The following CCZ1B variants were observed in gnomAD, a reference collection of about 807,000 sequenced individuals.
CCZ1B encodes the protein vacuolar fusion protein CCZ1 homolog B.
A neutral mutation model predicts 58.8 loss-of-function variants in CCZ1B; 25 were observed. That is an observed-to-expected ratio of 0.43 (90% CI 0.31 to 0.59). The LOEUF is 0.59. CCZ1B is among the 20% of genes least tolerant of loss of function. CCZ1B has a pLI of 0.12. For synonymous variants in CCZ1B, 66 were observed against 173.2 expected (o/e 0.38, Z 4.86); for missense variants, 180 against 501.5 (o/e 0.36, Z 6.12).
intron 7 of CCZ1B, 65 bp downstream of exon 7, chr7:6,819,701 C>G (rs2115126044): frequency 3.2e-6 from 3 of 926,096 alleles, no homozygotes; most frequent in Non-Finnish European, 4.8e-6. Context: ...TGTCATCAAT[C>G]CAGTCACTGC....
chr7:6,812,197 A>C (rs1472493445), intron 9 of CCZ1B, 134 bp from the exon 10 acceptor site: 2 of 1,011,576 alleles, frequency 2.0e-6, no homozygotes, highest in Non-Finnish European at 3.0e-6. Flanking sequence ...ACACCATATC[A>C]GAATAGGCCG....
At chr7:6,813,376 A>C (rs1474238258) in intron 8 of CCZ1B, among the ~76,000 whole-genome samples, 6 of 149,346 alleles carry the variant, frequency 4.0e-5, no homozygotes, top group Non-Finnish European at 8.9e-5. Context: ...ACTTGAGCCC[A>C]GGAGTTTGAG....
rs1562431320 is a variant in CCZ1B, at chr7:6,818,646, A to AC, written c.698+1119_698+1120insG. Among the ~76,000 whole-genome samples, 7 of 141,800 alleles carry AC rather than the reference A, an allele frequency of 4.9e-5. No individual in the cohort carries two copies. In the East Asian group the frequency reaches 8.0e-4, roughly 16 times the overall value. 93.0% of individuals were successfully genotyped at this position (141,800 alleles called of 152,430 possible). A position where few individuals can be genotyped will look rare whatever the true frequency, so the allele number is the denominator to read the frequency against. On this transcript the variant is annotated intron_variant, in intron 7 of 14. Coordinates refer to ENST00000316731, the MANE Select transcript of CCZ1B (RefSeq NM_198097.5). ...AAAGAAAGAAAGACAAGAAAGAAAG[A>AC]AAGACAGAAAGAAAGACAGACAGAA...
intron 7 of CCZ1B, among the ~76,000 whole-genome samples, chr7:6,818,375 C>G (rs1308783357): frequency 6.7e-6 from 1 of 149,328 alleles, no homozygotes; most frequent in Non-Finnish European, 1.5e-5. Flanking sequence ...ATGGTAAAAC[C>G]CTGTCTGTAC....
intron 5 of CCZ1B, among the ~76,000 whole-genome samples, chr7:6,823,084 G>A (rs2066301913): frequency 6.7e-6 from 1 of 148,234 alleles, no homozygotes; most frequent in Non-Finnish European, 1.5e-5. Flanking sequence ...TTCATCAATG[G>A]GGACACATTC....
chr7:6,824,886 T>C (rs1363155830), intron 1 of CCZ1B, 149 bp from the exon 2 acceptor site: 1 of 1,066,464 alleles, frequency 9.4e-7, no homozygotes, highest in Non-Finnish European at 1.3e-6. Flanking sequence ...GGAATTGTAA[T>C]CCTAGTATTT....
chr7:6,808,392 A>AC (rs1465814143), intron 10 of CCZ1B, among the ~76,000 whole-genome samples: 9 of 65,720 alleles, frequency 1.4e-4, no homozygotes, highest in Admixed American at 2.7e-4. Context: ...ACCAAAAAAA[A>AC]AAAAAACAAA....
chr7:6,821,116 C>G (rs563672585), intron 6 of CCZ1B, among the ~76,000 whole-genome samples: 2 of 148,698 alleles, frequency 1.3e-5, no homozygotes, highest in African/African-American at 5.1e-5. Context: ...TCAAGCGATT[C>G]TCCTGCCTCA....
rs556684357 is a variant in CCZ1B, at chr7:6,822,780, C to T, written c.439-416G>A. ...GCAGTGGTGCAATCACAGTTCACTG[C>T]AGCCTCGACCTCCAAGGTGCGAGCG... On this transcript the variant is annotated intron_variant, in intron 5 of 14. Coordinates refer to ENST00000316731, the MANE Select transcript of CCZ1B (RefSeq NM_198097.5). Among the ~76,000 whole-genome samples the T allele has an allele frequency of 1.5e-3, 204 of 138,048 alleles. 4 individuals are homozygous for T. Among genetic ancestry groups the T allele is most frequent in the African/African-American group, 5.3e-3 (193 of 36,100 alleles). The allele number at this position is 138,048 out of a possible 152,430, so 90.6% of individuals were successfully genotyped here.
At chr7:6,824,848 TA>T (rs1783169668) in intron 1 of CCZ1B, 111 bp from the exon 2 acceptor site, 1 of 1,354,394 alleles carries the variant, frequency 7.4e-7, no homozygotes, top group Non-Finnish European at 9.8e-7. Flanking sequence ...AATGACAAAA[TA>T]AAACAAAAAC....
At chr7:6,818,297 G>A (rs368717180) in intron 7 of CCZ1B, among the ~76,000 whole-genome samples, 33 of 149,570 alleles carry the variant, frequency 2.2e-4, no homozygotes, top group Non-Finnish European at 3.0e-5. Flanking sequence ...ACCTGTAATC[G>A]CGGCACTTTG....
intron 10 of CCZ1B, among the ~76,000 whole-genome samples, chr7:6,810,292 C>T (rs1391140409): frequency 2.1e-5 from 3 of 146,018 alleles, no homozygotes; most frequent in Non-Finnish European, 4.5e-5. Context: ...GGATTATAGG[C>T]GTGAGCCACC....
chr7:6,808,494 C>A lies in CCZ1B; in HGVS notation c.955-2457G>T, dbSNP rs1205453708. Among the ~76,000 whole-genome samples the A allele has an allele frequency of 5.1e-4, 77 of 150,266 alleles. 3 individuals are homozygous for A. Among genetic ancestry groups the A allele is most frequent in the African/African-American group, 1.8e-3 (73 of 39,906 alleles). On this transcript the variant is annotated intron_variant, in intron 10 of 14. Coordinates refer to ENST00000316731, the MANE Select transcript of CCZ1B (RefSeq NM_198097.5). Reference sequence around the variant, plus strand: ...GGTCCTTCCATTGGTGGCTCCTGGGCCCTGCCCCACACGCCTCTTCCCCGG... The same window carrying A: ...GGTCCTTCCATTGGTGGCTCCTGGGACCTGCCCCACACGCCTCTTCCCCGG...
At chr7:6,823,475 A>C (rs2711228) in intron 4 of CCZ1B, 115 bp from the exon 5 acceptor site, 3 of 1,390,180 alleles carry the variant, frequency 2.2e-6, no homozygotes, top group Admixed American at 2.4e-5. Context: ...TATAAACTTC[A>C]TCCCACAATA....
In CCZ1B at chr7:6,821,925, C is replaced by T. The variant is rs571892720; in HGVS notation, c.522+356G>A. ...ACCAATCCCTGAGATTGTGCAACTC[C>T]AATAATTAAGTTTTCCTTATCAACT... On this transcript the variant is annotated intron_variant, in intron 6 of 14. Coordinates refer to ENST00000316731, the MANE Select transcript of CCZ1B (RefSeq NM_198097.5). Among the ~76,000 whole-genome samples, 430 of 149,768 alleles carry T rather than the reference C, an allele frequency of 2.9e-3. 22 individuals carry two copies. Among genetic ancestry groups the T allele is most frequent in the Non-Finnish European group, 4.0e-3 (274 of 67,660 alleles).
intron 8 of CCZ1B, among the ~76,000 whole-genome samples, chr7:6,813,469 T>C (rs1297092789): frequency 6.7e-6 from 1 of 149,260 alleles, no homozygotes; most frequent in East Asian, 1.9e-4. Flanking sequence ...TCTCAGCTAC[T>C]TGGGAGGCTG....
chr7:6,822,385 A>G (rs1217757112), intron 5 of CCZ1B, 21 bp from the exon 6 acceptor site: 1 of 1,583,750 alleles, frequency 6.3e-7, no homozygotes, highest in East Asian at 2.2e-5. Context: ...AAAAGATTGC[A>G]GAAAAAAAAA....
chr7:6,818,170 G>C (rs1331841327), intron 7 of CCZ1B, among the ~76,000 whole-genome samples: 1 of 149,686 alleles, frequency 6.7e-6, no homozygotes, highest in Non-Finnish European at 1.5e-5. Flanking sequence ...TGGCAGGGAA[G>C]GTAAATTTTA....
intron 5 of CCZ1B, 53 bp downstream of exon 5, chr7:6,823,260 A>G (rs546527291): frequency 6.3e-7 from 1 of 1,589,848 alleles, no homozygotes; most frequent in Admixed American, 1.7e-5. Flanking sequence ...CCTGGAGCCT[A>G]GAGATAGGGG....
Sources: allele counts gnomAD v4.1 joint callset (sites outside exome capture counted in the v4.1 genomes callset), GRCh38; gene constraint gnomAD v4.1.1; transcripts MANE v1.5; gene names NCBI Gene and HGNC (gene_info 2026-07-23, HGNC 2026-07-21).